The following NRG1 variants were observed in gnomAD, a reference collection of about 807,000 sequenced individuals.
NRG1 encodes the protein pro-neuregulin-1, membrane-bound isoform.
In NRG1, 18 loss-of-function variants were observed where a neutral mutation model predicts 63.8. The observed-to-expected ratio is 0.28, with a 90% CI of 0.19 to 0.42. The LOEUF is 0.42. Among genes scored for constraint, NRG1 ranks in the 10% least tolerant of loss-of-function variants. The pLI is 1.00. For missense variants in NRG1, 762 were observed against 814.7 expected, an observed-to-expected ratio of 0.94 and a Z score of 0.79; for synonymous variants, 302 against 301.3, an observed-to-expected ratio of 1.00 and a Z score of -0.02.
At chr8:32,687,641 G>A (rs547760842) in intron 5 of NRG1, among the ~76,000 whole-genome samples, 17 of 152,206 alleles carry the variant, frequency 1.1e-4, no homozygotes, top group Admixed American at 9.8e-4. Flanking sequence ...AGGAATGGTC[G>A]TTGCCTCTTC....
chr8:31,740,022 T>A (rs1279363173), intron 1 of NRG1, among the ~76,000 whole-genome samples: 1 of 152,052 alleles, frequency 6.6e-6, no homozygotes, highest in Non-Finnish European at 1.5e-5. Flanking sequence ...TCATAAAAAA[T>A]TTAGTTAGCT....
At chr8:32,638,223 T>C (rs1851685839) in intron 5 of NRG1, among the ~76,000 whole-genome samples, 1 of 152,218 alleles carries the variant, frequency 6.6e-6, no homozygotes, top group Non-Finnish European at 1.5e-5. Flanking sequence ...ATAAAATTCA[T>C]GTAATGGGTG....
intron 1 of NRG1, among the ~76,000 whole-genome samples, chr8:32,048,442 CATACATATATATATATATATATATATAT>C (rs1821421108): frequency 7.4e-6 from 1 of 134,884 alleles, no homozygotes; most frequent in African/African-American, 2.9e-5. Flanking sequence ...CACATATATA[CATACATATATATATATATATATATATAT>C]ATATATATAT....
chr8:32,411,366 T>C (rs1240720563), intron 1 of NRG1, among the ~76,000 whole-genome samples: 1 of 152,302 alleles, frequency 6.6e-6, no homozygotes, highest in South Asian at 2.1e-4. Flanking sequence ...TAAAACTTTA[T>C]AAAGTAGGAA....
chr8:32,115,349 A>T (rs985343529), intron 1 of NRG1, among the ~76,000 whole-genome samples: 5 of 152,162 alleles, frequency 3.3e-5, no homozygotes, highest in Non-Finnish European at 7.3e-5. Context: ...CCTATCATTG[A>T]CTAGAAATCT....
At chr8:32,010,503 G>A (rs1227029545) in intron 1 of NRG1, among the ~76,000 whole-genome samples, 2 of 152,026 alleles carry the variant, frequency 1.3e-5, no homozygotes, top group Admixed American at 6.6e-5. Context: ...CTTCAGGCAA[G>A]TGGAACACAT....
At chr8:32,671,887 G>T (rs1186817337) in intron 5 of NRG1, among the ~76,000 whole-genome samples, 8 of 152,196 alleles carry the variant, frequency 5.3e-5, no homozygotes, top group Admixed American at 3.3e-4. Context: ...TAAGTGAAAA[G>T]AAAAAGTCTT....
chr8:32,284,565 C>G (rs185552423), intron 1 of NRG1, among the ~76,000 whole-genome samples: 7 of 146,432 alleles, frequency 4.8e-5, no homozygotes, highest in African/African-American at 1.8e-4. Flanking sequence ...GAATCTCGCT[C>G]TGTCACCCAG....
intron 1 of NRG1, among the ~76,000 whole-genome samples, chr8:32,437,366 T>A (rs947381088): frequency 1.3e-5 from 2 of 152,150 alleles, no homozygotes; most frequent in African/African-American, 4.8e-5. Context: ...CACCTTATAT[T>A]GTAAAAGTCT....
At chr8:31,690,110 G>T (rs557913626) in intron 1 of NRG1, among the ~76,000 whole-genome samples, 1 of 152,158 alleles carries the variant, frequency 6.6e-6, no homozygotes, top group Admixed American at 6.5e-5. Flanking sequence ...TTTCTAAGGG[G>T]CTTTTCCTCC....
chr8:32,727,894 C>A lies in NRG1; in HGVS notation c.503-55C>A, dbSNP rs186994164. The A allele has an allele frequency of 1.2e-4, 187 of 1,573,002 alleles. No individual in the cohort carries two copies. In the African/African-American group the frequency reaches 2.4e-3, roughly 20 times the overall value. ...TAGGATAATTTAAGATTAAAGGCTG[C>A]TTAGAAGGGGGAAAAAAAGTCCATG... On this transcript the variant is annotated intron_variant, in intron 5 of 11. Coordinates refer to ENST00000356819, the Ensembl canonical transcript of NRG1.
At chr8:32,225,034 A>C in intron 1 of NRG1, among the ~76,000 whole-genome samples, 1 of 152,200 alleles carries the variant, frequency 6.6e-6, no homozygotes, top group Non-Finnish European at 1.5e-5. Context: ...ATGCATTCCT[A>C]AAGCAACATA....
Position 32,303,744 on chromosome 8 carries a change from T to A in NRG1, c.38-292084T>A, listed in dbSNP as rs374583035. On this transcript the variant is annotated intron_variant, in intron 1 of 10. Coordinates refer to the NRG1 transcript ENST00000519301. ...AATGTATTATTCATACTATTTTAAA[T>A]TCAGTTAATATTTAGCCTACATTTC... Among the ~76,000 whole-genome samples, 22 of 152,332 alleles carry A rather than the reference T, an allele frequency of 1.4e-4. 1 individual carries two copies. The highest frequency in any genetic ancestry group is 5.3e-4 in the African/African-American group (22 of 41,586).
chr8:31,930,254 A>T (rs1834753910), intron 1 of NRG1, among the ~76,000 whole-genome samples: 1 of 152,224 alleles, frequency 6.6e-6, no homozygotes, highest in African/African-American at 2.4e-5. Flanking sequence ...AATGAAAAGT[A>T]TTGAACTTTT....
chr8:31,820,538 A>G (rs1197338722), intron 1 of NRG1, among the ~76,000 whole-genome samples: 2 of 152,068 alleles, frequency 1.3e-5, no homozygotes, highest in Admixed American at 1.3e-4. Context: ...TTGCTAAGAA[A>G]CCCCAGATCA....
intron 1 of NRG1, among the ~76,000 whole-genome samples, chr8:32,556,345 A>T (rs1354236879): frequency 6.6e-6 from 1 of 152,238 alleles, no homozygotes; most frequent in Admixed American, 6.5e-5. Context: ...AGCTAAAATC[A>T]TATCCATATT....
chr8:32,458,362 G>A (rs1462071682), intron 1 of NRG1, among the ~76,000 whole-genome samples: 1 of 152,146 alleles, frequency 6.6e-6, no homozygotes, highest in Non-Finnish European at 1.5e-5. Context: ...AATATGCTGA[G>A]CCATGTTCTG....
intron 1 of NRG1, among the ~76,000 whole-genome samples, chr8:32,418,858 T>C (rs1174791392): frequency 1.3e-5 from 2 of 152,234 alleles, no homozygotes; most frequent in Admixed American, 1.3e-4. Context: ...ATACTACCTA[T>C]GTTTAAATTT....
At chr8:32,452,317 T>G (rs1042059950) in intron 1 of NRG1, among the ~76,000 whole-genome samples, 1 of 151,560 alleles carries the variant, frequency 6.6e-6, no homozygotes, top group Non-Finnish European at 1.5e-5. Flanking sequence ...AAAGAGGGAG[T>G]GTTTTGGACT....
Sources: gnomAD v4.1 joint callset for allele counts (sites outside exome capture counted in the v4.1 genomes callset) on GRCh38, gnomAD v4.1.1 for gene constraint, MANE v1.5 for transcripts, NCBI Gene and HGNC (gene_info 2026-07-23, HGNC 2026-07-21) for gene names.